The following PRRC2B variants were observed in gnomAD, a reference collection of about 807,000 sequenced individuals.
The protein encoded by PRRC2B is protein PRRC2B.
In PRRC2B, 68 loss-of-function variants were observed where a neutral mutation model predicts 242.3. The ratio of observed to expected loss-of-function variants is 0.28; its 90% CI spans 0.23 to 0.34. The LOEUF (loss-of-function observed/expected upper bound fraction) is 0.34, where lower values mean the gene tolerates loss of function less well. Among genes scored for constraint, PRRC2B ranks in the 10% least tolerant of loss-of-function variants. The probability of loss-of-function intolerance (pLI) is 1.00; values close to 1 mark genes in which losing one functional copy is unlikely to be tolerated. For missense variants in PRRC2B, 2,835 were observed against 2,954.8 expected, an observed-to-expected ratio of 0.96 and a Z score of 0.94; for synonymous variants, 1,228 against 1,173.6, an observed-to-expected ratio of 1.05 and a Z score of -0.95.
At chr9:131,403,662 T>TA (rs745747729) in intron 1 of PRRC2B, among the ~76,000 whole-genome samples, 16 of 9,496 alleles carry the variant, frequency 1.7e-3, no homozygotes, top group Admixed American at 2.8e-3. Flanking sequence ...GCCCATACTT[T>TA]AAAAAAAAAA....
In PRRC2B at chr9:131,457,107, A is replaced by G. The variant is rs558515936; in HGVS notation, c.1211+1941A>G. Among the ~76,000 whole-genome samples the G allele has an allele frequency of 1.7e-4, 26 of 152,316 alleles. No homozygotes were observed. In the East Asian group the frequency reaches 4.8e-3, roughly 28 times the overall value. On this transcript the variant is annotated intron_variant, in intron 10 of 31. Coordinates refer to ENST00000683519, the MANE Select transcript of PRRC2B (RefSeq NM_013318.4). ...TAAAAGCTTCCTAAAGTAAGTGCCC[A>G]TCTTCTGGAAAGAGTTGGTAATAAT...
chr9:131,397,563 G>GTTTTTTTTTTT lies in PRRC2B; in HGVS notation c.-52+3311_-52+3321dup, dbSNP rs58424444. Among the ~76,000 whole-genome samples the GTTTTTTTTTTT allele has an allele frequency of 3.5e-4, 35 of 98,976 alleles. 1 individual carries two copies. The highest frequency in any genetic ancestry group is 4.2e-4 in the Non-Finnish European group (22 of 52,006). 64.9% of individuals were successfully genotyped at this position (98,976 alleles called of 152,430 possible). On this transcript the variant is annotated intron_variant, in intron 1 of 31. Transcript: ENST00000683519. ...GGATTATTTTATTGTACTTTTGAGG[G>GTTTTTTTTTTT]TTTTTTTTTTTTTTTTTTTTTGCCT...
At chr9:131,481,874 C>G in intron 20 of PRRC2B, 66 bp downstream of exon 20, 1 of 1,425,778 alleles carries the variant, frequency 7.0e-7, no homozygotes. Context: ...TCACCATCCA[C>G]ACGGCCAGCT....
chr9:131,494,578 G>GC lies in PRRC2B; in HGVS notation c.6555+97dup, dbSNP rs1009334411. 8 of 694,334 alleles carry GC rather than the reference G, an allele frequency of 1.2e-5. No homozygotes were observed. The African/African-American group carries it at 1.5e-4, about 13-fold the overall frequency. The allele number at this position is 694,334 out of a possible 1,614,324, so 43.0% of individuals were successfully genotyped here. A position where few individuals can be genotyped will look rare whatever the true frequency, so the allele number is the denominator to read the frequency against. On this transcript the variant is annotated intron_variant, in intron 31 of 31. Transcript: ENST00000683519. This position sits in a 1 kb window ranked among gnomAD's most constrained non-coding sequence, Gnocchi z 4.3. ...AAGGGACTGTCCAACCTATCTGAGC[G>GC]CCCCCTGTCTAAAGACAGCCATGCC...
rs564800555 is a variant in PRRC2B, at chr9:131,376,798, C to T, written c.-56+3067C>T. 1.5e-3 allele frequency among the ~76,000 whole-genome samples: 221 copies of T among 152,158 alleles called. 1 individual carries two copies. The highest frequency in any genetic ancestry group is 3.5e-3 in the South Asian group (17 of 4,822). On this transcript the variant is annotated intron_variant, in intron 1 of 1. Coordinates refer to the PRRC2B transcript ENST00000682525. Reference sequence around the variant, plus strand: ...GACACGGGAAGATCACTTGAGGCCACGAGTTTGAGACCAGTCTGGGGAACA... The same window carrying T: ...GACACGGGAAGATCACTTGAGGCCATGAGTTTGAGACCAGTCTGGGGAACA...
In PRRC2B at chr9:131,473,687, A is replaced by G; in HGVS notation, c.2287A>G (p.Lys763Glu). 2 of 1,613,732 alleles carry G rather than the reference A, an allele frequency of 1.2e-6. No homozygotes were observed. Among genetic ancestry groups the G allele is most frequent in the Non-Finnish European group, 1.7e-6 (2 of 1,179,850 alleles). The change falls in exon 15 of 32, where the codon AAG (lysine) becomes GAG (glutamate). Residue 763 changes from lysine (K) to glutamate (E), a missense_variant. Physicochemically the swap from Lys to Glu is moderately conservative, Grantham distance 56. Around this residue, in one of 7 missense-constraint regions of PRRC2B, gnomAD observed 1,536 missense variants for 1,483.1 expected, o/e 1.04. Coordinates refer to ENST00000683519, the MANE Select transcript of PRRC2B (RefSeq NM_013318.4). The part of the protein sequence containing the change: ...QSKGYPLPHP[K>E]SSDTLAMDMR... ...CAAGGGCTACCCGCTCCCGCACCCG[A>G]AGTCGAGTGACACCTTGGCTATGGA...
intron 1 of PRRC2B, among the ~76,000 whole-genome samples, chr9:131,405,719 T>TG (rs975798784): frequency 1.3e-5 from 2 of 152,060 alleles, no homozygotes; most frequent in African/African-American, 2.4e-5. Flanking sequence ...CTCTGGCTCC[T>TG]GGGGGGGTTA....
intron 1 of PRRC2B, among the ~76,000 whole-genome samples, chr9:131,401,356 G>A (rs557666452): frequency 2.8e-4 from 43 of 151,102 alleles, no homozygotes; most frequent in Non-Finnish European, 5.3e-4. Flanking sequence ...ATCCAGTGGC[G>A]GCGGCCACCA....
At chr9:131,392,812 C>T (rs947375528), upstream of PRRC2B, among the ~76,000 whole-genome samples, 5 of 151,400 alleles carry the variant, frequency 3.3e-5, no homozygotes, top group African/African-American at 1.2e-4. Flanking sequence ...ACTCAGGAGG[C>T]TGGGGCAGGA....
At chr9:131,486,454 T>TA in intron 26 of PRRC2B, 2 of 984,474 alleles carry the variant, frequency 2.0e-6, no homozygotes, top group Non-Finnish European at 2.4e-6. Context: ...GGGAATTAGC[T>TA]AAAATGGAAT....
rs1330733316 is a variant in PRRC2B at position 131,494,826 on chromosome 9, G to C, written c.6555+340G>C. ...GTTTGGGGGTCGGCTTTAGGAGCCG[G>C]GGTGCGCGCGCTGGTTCTAGTCAGT... On this transcript the variant is annotated intron_variant, in intron 31 of 31. Transcript: ENST00000683519. This position sits in a 1 kb window ranked among gnomAD's most constrained non-coding sequence, Gnocchi z 4.3. Among the ~76,000 whole-genome samples the C allele has an allele frequency of 6.6e-6, 1 of 152,156 alleles. No homozygotes were observed. Among genetic ancestry groups the C allele is most frequent in the Non-Finnish European group, 1.5e-5 (1 of 68,028 alleles).
chr9:131,467,613 G>A lies in PRRC2B; in HGVS notation c.1771G>A (p.Ala591Thr), dbSNP rs1213083751. Reference protein sequence around the residue: ...QETPTTFPEEAPTVSPAVAQS... With the variant: ...QETPTTFPEETPTVSPAVAQS... ...GACCCCCACCACATTCCCAGAAGAG[G>A]CACCCACAGTGTCCCCAGCAGTGGC... is the stretch of plus-strand genomic sequence containing the variant. Residue 591 changes from alanine to threonine, a missense_variant, in exon 13 of 32, where the codon GCA (alanine) becomes ACA (threonine). Physicochemically the swap from Ala to Thr is moderately conservative, Grantham distance 58. This residue lies in a region of PRRC2B where 1,536 missense variants were observed against 1,483.1 expected (regional missense o/e 1.04). Transcript: ENST00000683519. The A allele has an allele frequency of 3.1e-6, 5 of 1,613,066 alleles. No individual in the cohort carries two copies. Among genetic ancestry groups the A allele is most frequent in the Non-Finnish European group, 3.4e-6 (4 of 1,179,582 alleles).
intron 8 of PRRC2B, 98 bp from the exon 9 acceptor site, chr9:131,447,564 C>T: frequency 8.5e-7 from 1 of 1,182,416 alleles, no homozygotes; most frequent in Non-Finnish European, 1.1e-6. Flanking sequence ...TTAAATCAAA[C>T]ATGAACCTTT....
At chr9:131,434,736 G>C (rs549142894) in intron 3 of PRRC2B, among the ~76,000 whole-genome samples, 2 of 152,174 alleles carry the variant, frequency 1.3e-5, no homozygotes, top group African/African-American at 2.4e-5. Flanking sequence ...TTCCCACCAG[G>C]GGGGTGGCTG....
In PRRC2B at chr9:131,420,497, T is replaced by TTCGTTCGTTCGTTCGTTC. The variant is rs1837801461; in HGVS notation, c.-51-9596_-51-9595insCGTTCGTTCGTTCGTTCT. ...TCTTTCTTTCTTTCTTTCTTTCTTT[T>TTCGTTCGTTCGTTCGTTC]TTTTTTTTTTTTTGAGATGGAGGCT... is the stretch of plus-strand genomic sequence containing the variant. On this transcript the variant is annotated intron_variant, in intron 1 of 31. Coordinates refer to ENST00000683519, the MANE Select transcript of PRRC2B (RefSeq NM_013318.4). 4.3e-4 allele frequency among the ~76,000 whole-genome samples: 7 copies of TTCGTTCGTTCGTTCGTTC among 16,432 alleles called. 1 individual carries two copies. Among genetic ancestry groups the TTCGTTCGTTCGTTCGTTC allele is most frequent in the Admixed American group, 1.1e-3 (1 of 932 alleles). 10.8% of individuals were successfully genotyped at this position (16,432 alleles called of 152,430 possible). A position where few individuals can be genotyped will look rare whatever the true frequency, so the allele number is the denominator to read the frequency against.
chr9:131,482,105 C>T lies in PRRC2B; in HGVS notation c.4984-266C>T, dbSNP rs1051078337. Among the ~76,000 whole-genome samples the T allele has an allele frequency of 6.6e-6, 1 of 152,200 alleles. No individual in the cohort carries two copies. The highest frequency in any genetic ancestry group is 6.5e-5 in the Admixed American group (1 of 15,274). ...GAACTGGTGTCAGCAGCCACGTAGT[C>T]TGGTTTGGGTCACAAGTGAGATGGG... On this transcript the variant is annotated intron_variant, in intron 20 of 31. Transcript: ENST00000683519. This position sits in a 1 kb window ranked among gnomAD's most constrained non-coding sequence, Gnocchi z 5.2.
chr9:131,463,219 A>C (rs1943293932), intron 11 of PRRC2B, among the ~76,000 whole-genome samples: 1 of 152,186 alleles, frequency 6.6e-6, no homozygotes, highest in African/African-American at 2.4e-5. Flanking sequence ...ATGCCTCTAA[A>C]TTGGAAGTTT....
intron 1 of PRRC2B, among the ~76,000 whole-genome samples, chr9:131,405,040 A>G (rs1159822505): frequency 1.3e-5 from 2 of 152,196 alleles, no homozygotes; most frequent in African/African-American, 2.4e-5. Context: ...TTTCTGGACT[A>G]TGGGCTTTTC....
chr9:131,489,125 C>T (rs1944110335), intron 28 of PRRC2B, among the ~76,000 whole-genome samples: 1 of 151,952 alleles, frequency 6.6e-6, no homozygotes, highest in Non-Finnish European at 1.5e-5. Flanking sequence ...CAGTGTCCCT[C>T]TCAGTTGTCA....
Sources: gnomAD v4.1 joint callset for allele counts (sites outside exome capture counted in the v4.1 genomes callset) on GRCh38, gnomAD v4.1.1 for gene constraint, gnomAD v4.1.1 regional missense constraint, Gnocchi (gnomAD v3.1) non-coding constraint, MANE v1.5 for transcripts, NCBI Gene and HGNC (gene_info 2026-07-23, HGNC 2026-07-21) for gene names.